Variants in ELP3 observed in about 807,000 individuals in gnomAD.
ELP3 encodes elongator complex protein 3.
A neutral mutation model predicts 74.9 loss-of-function variants in ELP3; 56 were observed. That is an observed-to-expected ratio of 0.75 (90% CI 0.60 to 0.93). The LOEUF is 0.93. Among genes scored for constraint, ELP3 ranks in the 40% least tolerant of loss-of-function variants. The pLI, the probability that ELP3 is intolerant of heterozygous loss-of-function variation, is 0.00. For missense variants in ELP3, 573 were observed against 686.5 expected (o/e 0.83, Z 1.85); for synonymous variants, 222 against 239.8 (o/e 0.93, Z 0.68).
upstream of ELP3, among the ~76,000 whole-genome samples, chr8:28,092,418 AG>A (rs1406092742): frequency 6.6e-6 from 1 of 152,116 alleles, no homozygotes. Flanking sequence ...TAGTAGAGAC[AG>A]GGTTTCACCA....
At chr8:28,090,479 GT>G (rs1318536913), upstream of ELP3, 6 of 201,246 alleles carry the variant, frequency 3.0e-5, 1 homozygote, top group South Asian at 2.9e-4. Flanking sequence ...AGTCTGATGG[GT>G]GGGTGTGTGT....
chr8:28,137,607 T>A, intron 9 of ELP3, 91 bp from the exon 10 acceptor site: 1 of 1,273,404 alleles, frequency 7.9e-7, no homozygotes, highest in African/African-American at 1.5e-5. Context: ...GCCTACTGGG[T>A]GTGCCAGAGA....
chr8:28,126,740 C>T (rs959077452), intron 7 of ELP3, among the ~76,000 whole-genome samples: 4 of 152,110 alleles, frequency 2.6e-5, no homozygotes, highest in African/African-American at 9.7e-5. Context: ...AAAGTGTCAG[C>T]ACAGATTGGT....
chr8:28,181,434 G>A (rs1815006973), intron 14 of ELP3, among the ~76,000 whole-genome samples: 1 of 152,138 alleles, frequency 6.6e-6, no homozygotes, highest in Non-Finnish European at 1.5e-5. Flanking sequence ...TGTTTACAAA[G>A]TTTATTATTG....
chr8:28,092,472 G>A (rs980191284), upstream of ELP3, among the ~76,000 whole-genome samples: 18 of 152,148 alleles, frequency 1.2e-4, no homozygotes, highest in African/African-American at 4.3e-4. Flanking sequence ...CAGATGATCT[G>A]CTGGCCTTGG....
intron 5 of ELP3, among the ~76,000 whole-genome samples, 161 bp from the exon 6 acceptor site, chr8:28,110,209 A>G (rs1018317313): frequency 1.3e-5 from 2 of 152,242 alleles, no homozygotes; most frequent in Admixed American, 6.5e-5. Flanking sequence ...GCGATTCAGG[A>G]CATTATTTTG....
chr8:28,100,717 A>G (rs917101038), intron 3 of ELP3, among the ~76,000 whole-genome samples: 2 of 152,268 alleles, frequency 1.3e-5, no homozygotes, highest in Non-Finnish European at 2.9e-5. Context: ...ATTAATTTGG[A>G]TACAACATGC....
chr8:28,183,644 C>G (rs534865260), intron 14 of ELP3, among the ~76,000 whole-genome samples: 7 of 152,174 alleles, frequency 4.6e-5, no homozygotes, highest in African/African-American at 1.4e-4. Flanking sequence ...AGGCTGGTCT[C>G]GAACTCCTGA....
intron 3 of ELP3, among the ~76,000 whole-genome samples, chr8:28,104,362 C>T (rs6558039): frequency 0.59 from 89,446 of 152,008 alleles, 28,381 homozygotes; most frequent in East Asian, 0.9. Context: ...ATAACCCATT[C>T]TGAGTTTGTA....
chr8:28,111,585 G>GA (rs1314844135), intron 6 of ELP3, among the ~76,000 whole-genome samples: 1 of 152,202 alleles, frequency 6.6e-6, no homozygotes, highest in Non-Finnish European at 1.5e-5. Flanking sequence ...TCGGTGACAG[G>GA]AGAGGACTCC....
chr8:28,130,530 G>A (rs776797758), intron 8 of ELP3, among the ~76,000 whole-genome samples: 7 of 152,212 alleles, frequency 4.6e-5, no homozygotes, highest in Middle Eastern at 3.2e-3. Flanking sequence ...ATATTTTTTA[G>A]CATGGGGAAG....
At chr8:28,092,743 C>G (rs1362913562), upstream of ELP3, 1 of 240,554 alleles carries the variant, frequency 4.2e-6, no homozygotes, top group Non-Finnish European at 8.3e-6. Flanking sequence ...TTAGTTTCCA[C>G]AACATGGGAG....
intron 12 of ELP3, 86 bp downstream of exon 12, chr8:28,158,719 G>A (rs1326143655): frequency 1.3e-5 from 14 of 1,042,392 alleles, no homozygotes; most frequent in Non-Finnish European, 2.1e-5. Flanking sequence ...ACCAAGGACA[G>A]AGCCCCAGGA....
rs148642108 is a variant in ELP3 at position 28,168,669 on chromosome 8, T to G, written c.1567+6591T>G. ...AGCCCTCTCCAAAAGTGGCCCAACC[T>G]ATGCTACTCACTACCAGCTGTCTAT... On this transcript the variant is annotated intron_variant, in intron 14 of 14. Coordinates refer to ENST00000256398, the MANE Select transcript of ELP3 (RefSeq NM_018091.6). 6.6e-3 allele frequency among the ~76,000 whole-genome samples: 1,005 copies of G among 152,330 alleles called. 7 individuals are homozygous for G. The highest frequency in any genetic ancestry group is 0.023 in the African/African-American group (965 of 41,586).
At chr8:28,119,610 ATATATATATATATATATATG>A (rs1294947568) in intron 7 of ELP3, among the ~76,000 whole-genome samples, 2 of 126,186 alleles carry the variant, frequency 1.6e-5, no homozygotes, top group African/African-American at 6.1e-5. Context: ...ATATATATAT[ATATATATATATATATATATG>A]AACACATATA....
At chr8:28,141,548 A>T (rs1813237636) in intron 10 of ELP3, among the ~76,000 whole-genome samples, 1 of 152,222 alleles carries the variant, frequency 6.6e-6, no homozygotes, top group Non-Finnish European at 1.5e-5. Flanking sequence ...TGAAGCATCC[A>T]TGTTAACTTC....
chr8:28,103,963 A>G (rs1418598567), intron 3 of ELP3, among the ~76,000 whole-genome samples: 1 of 152,202 alleles, frequency 6.6e-6, no homozygotes, highest in Non-Finnish European at 1.5e-5. Flanking sequence ...TCCTAGGCTC[A>G]AGGGATCCTC....
intron 9 of ELP3, among the ~76,000 whole-genome samples, chr8:28,135,232 G>A (rs1406273688): frequency 6.6e-6 from 1 of 152,176 alleles, no homozygotes; most frequent in African/African-American, 2.4e-5. Context: ...CTGGCCTAAA[G>A]CGATTCCTTA....
In ELP3 at chr8:28,160,433, G is replaced by A. The variant is rs752444098; in HGVS notation, c.1462G>A (p.Asp488Asn). Residue 488 changes from aspartate to asparagine, a missense_variant, in exon 13 of 15, where the codon GAT becomes AAT. Asp to Asn is a conservative substitution (Grantham distance 23). Coordinates refer to ENST00000256398, the MANE Select transcript of ELP3 (RefSeq NM_018091.6). ...YGSVVPVSSR[D>N]PTKFQHQGFG... ...GAGTGTGGTCCCTGTGAGCAGCCGG[G>A]ATCCTACTAAATTTCAGCATCAGGT... 1.9e-6 allele frequency: 3 copies of A among 1,613,842 alleles called. No individual in the cohort carries two copies. Among genetic ancestry groups the A allele is most frequent in the Non-Finnish European group, 2.5e-6 (3 of 1,179,910 alleles).
Sources: allele counts gnomAD v4.1 joint callset (sites outside exome capture counted in the v4.1 genomes callset), GRCh38; gene constraint gnomAD v4.1.1; transcripts MANE v1.5; gene names NCBI Gene and HGNC (gene_info 2026-07-23, HGNC 2026-07-21).